The following MECOM variants were observed in gnomAD, a reference collection of about 807,000 sequenced individuals.
The protein encoded by MECOM is histone-lysine N-methyltransferase MECOM.
Under a neutral mutation model 116.3 loss-of-function variants are expected in MECOM, and 13 were observed. That is an observed-to-expected ratio of 0.11 (90% CI 0.07 to 0.18). The LOEUF (loss-of-function observed/expected upper bound fraction) is 0.18. MECOM is among the 10% of genes least tolerant of loss of function. MECOM has a pLI of 1.00. For synonymous variants in MECOM, 528 were observed against 535.2 expected (o/e 0.99, Z 0.19); for missense variants, 1,299 against 1,509.0 (o/e 0.86, Z 2.31).
intron 3 of MECOM, among the ~76,000 whole-genome samples, chr3:169,138,308 T>C (rs1268674972): frequency 6.6e-6 from 1 of 152,164 alleles, no homozygotes; most frequent in East Asian, 1.9e-4. Context: ...TTATGCAGTT[T>C]GTGAATCTTA....
At chr3:169,246,751 A>AC (rs1755634577) in intron 2 of MECOM, among the ~76,000 whole-genome samples, 1 of 152,008 alleles carries the variant, frequency 6.6e-6, no homozygotes, top group Non-Finnish European at 1.5e-5. Flanking sequence ...GGAACTCCTG[A>AC]CCTCATGATC....
At chr3:169,299,398 C>T (rs1309518269) in intron 2 of MECOM, among the ~76,000 whole-genome samples, 1 of 152,180 alleles carries the variant, frequency 6.6e-6, no homozygotes, top group Non-Finnish European at 1.5e-5. Context: ...CCTTCCTCAC[C>T]TGATTCTACC....
At chr3:169,304,906 C>T (rs566584994) in intron 2 of MECOM, among the ~76,000 whole-genome samples, 19 of 152,324 alleles carry the variant, frequency 1.2e-4, no homozygotes, top group South Asian at 6.2e-4. Context: ...GTCCCTCCTA[C>T]GTGCAAGGCA....
Position 169,246,923 on chromosome 3 carries a change from G to T in MECOM, c.376-103091C>A, listed in dbSNP as rs190429875. Among the ~76,000 whole-genome samples, 5 of 152,212 alleles carry T rather than the reference G, an allele frequency of 3.3e-5. No homozygotes were observed. The East Asian group carries it at 7.7e-4, about 23-fold the overall frequency. ...CATTCTATGAAAGACAATGGATTGG[G>T]TCTTTATTTGTGTGCCAGCTCCAGG... On this transcript the variant is annotated intron_variant, in intron 2 of 16. Transcript: ENST00000651503.
chr3:169,230,062 A>G (rs188043414), intron 2 of MECOM, among the ~76,000 whole-genome samples: 3 of 152,312 alleles, frequency 2.0e-5, no homozygotes, highest in Admixed American at 2.0e-4. Context: ...ATACTTGAAT[A>G]TACAAATACT....
chr3:169,282,061 A>G (rs1042402211), intron 2 of MECOM, among the ~76,000 whole-genome samples: 1 of 152,150 alleles, frequency 6.6e-6, no homozygotes, highest in African/African-American at 2.4e-5. Flanking sequence ...TATTCGATAA[A>G]CCTAAGGAAC....
chr3:169,177,647 T>C (rs1417374691), intron 2 of MECOM, among the ~76,000 whole-genome samples: 2 of 149,626 alleles, frequency 1.3e-5, no homozygotes, highest in Admixed American at 6.6e-5. Flanking sequence ...CCAGGCGCGG[T>C]TGCTCATGCT....
intron 2 of MECOM, among the ~76,000 whole-genome samples, chr3:169,217,898 G>A (rs2149489843): frequency 6.7e-6 from 1 of 150,140 alleles, no homozygotes; most frequent in East Asian, 1.9e-4. Flanking sequence ...TTCAGCATAG[G>A]GTAGTTTTTC....
chr3:169,258,962 A>G (rs746570341), intron 2 of MECOM, among the ~76,000 whole-genome samples: 1 of 152,248 alleles, frequency 6.6e-6, no homozygotes, highest in African/African-American at 2.4e-5. Context: ...GATGAGACTC[A>G]GGTCACATGC....
At chr3:169,087,993 T>G (rs1647551871) in intron 16 of MECOM, among the ~76,000 whole-genome samples, 1 of 152,212 alleles carries the variant, frequency 6.6e-6, no homozygotes, top group Non-Finnish European at 1.5e-5. Context: ...AAATTGAATA[T>G]TATTTAATGA....
intron 1 of MECOM, among the ~76,000 whole-genome samples, chr3:169,390,111 G>A (rs1411703962): frequency 6.6e-6 from 1 of 152,180 alleles, no homozygotes; most frequent in Non-Finnish European, 1.5e-5. Context: ...GGCAGAGGCT[G>A]AGAGTCATAG....
At chr3:169,606,593 C>T (rs1768595088) in intron 1 of MECOM, among the ~76,000 whole-genome samples, 1 of 152,088 alleles carries the variant, frequency 6.6e-6, no homozygotes, top group Non-Finnish European at 1.5e-5. Context: ...GTGGCTTAAA[C>T]AGGAAAGAAA....
intron 1 of MECOM, among the ~76,000 whole-genome samples, chr3:169,440,793 A>T (rs1743512902): frequency 6.6e-6 from 1 of 152,124 alleles, no homozygotes; most frequent in Admixed American, 6.5e-5. Context: ...GAAATTGAAC[A>T]CAACTAGCCC....
At position 169,140,960 on chromosome 3, in the gene MECOM, T is replaced by C. The variant is rs577344278; in HGVS notation, c.510+2738A>G. The stretch of plus-strand genomic sequence containing the variant: ...CAACATTTTGACTGTCCTTCTACTA[T>C]CAAACTGTATTATAATCTTAGCAAG... On this transcript the variant is annotated intron_variant, in intron 3 of 16. Transcript: ENST00000651503. 2.0e-5 allele frequency among the ~76,000 whole-genome samples: 3 copies of C among 152,248 alleles called. No individual in the cohort carries two copies. The South Asian group carries it at 6.2e-4, about 32-fold the overall frequency.
intron 9 of MECOM, among the ~76,000 whole-genome samples, chr3:169,110,333 A>T (rs1309553031): frequency 2.0e-5 from 3 of 152,136 alleles, no homozygotes; most frequent in African/African-American, 4.8e-5. Context: ...GCACCCACTA[A>T]TAAGAGCTCT....
At chr3:169,190,780 T>C (rs1747419289) in intron 2 of MECOM, among the ~76,000 whole-genome samples, 2 of 152,038 alleles carry the variant, frequency 1.3e-5, no homozygotes, top group Non-Finnish European at 2.9e-5. Flanking sequence ...TGGAATAGAT[T>C]GTACAATGCA....
chr3:169,537,919 C>T (rs534418822), intron 1 of MECOM, among the ~76,000 whole-genome samples: 8 of 152,202 alleles, frequency 5.3e-5, no homozygotes, highest in African/African-American at 1.2e-4. Flanking sequence ...AATTATAAAA[C>T]GATTACCCCC....
chr3:169,602,915 T>C (rs773465938), intron 1 of MECOM, among the ~76,000 whole-genome samples: 13 of 152,162 alleles, frequency 8.5e-5, no homozygotes, highest in Non-Finnish European at 1.6e-4. Flanking sequence ...GAAATGTTTA[T>C]TATATGTGGT....
intron 2 of MECOM, among the ~76,000 whole-genome samples, chr3:169,183,989 C>G (rs888417952): frequency 6.6e-6 from 1 of 151,790 alleles, no homozygotes; most frequent in African/African-American, 2.4e-5. Context: ...CTCAGCCTCC[C>G]GAATAGCTGG....
Sources: gnomAD v4.1 joint callset for allele counts (sites outside exome capture counted in the v4.1 genomes callset) on GRCh38, gnomAD v4.1.1 for gene constraint, MANE v1.5 for transcripts, NCBI Gene and HGNC (gene_info 2026-07-23, HGNC 2026-07-21) for gene names.